EXOC1: variants seen among roughly 807,000 people sequenced by gnomAD.
EXOC1 encodes SEC3-like 1.
In EXOC1, 67 loss-of-function variants were observed where a neutral mutation model predicts 107.7. The observed-to-expected ratio is 0.62, with a 90% CI of 0.51 to 0.76. The LOEUF is 0.76. EXOC1 is among the 30% of genes least tolerant of loss of function. EXOC1 has a pLI of 0.00. For synonymous variants in EXOC1, 348 were observed against 353.5 expected, an observed-to-expected ratio of 0.98 and a Z score of 0.17; for missense variants, 833 against 1,055.7, an observed-to-expected ratio of 0.79 and a Z score of 2.92.
intron 14 of EXOC1, among the ~76,000 whole-genome samples, chr4:55,893,277 G>A (rs1318880310): frequency 3.3e-5 from 5 of 151,986 alleles, no homozygotes; most frequent in Non-Finnish European, 5.9e-5. Context: ...GCACCACCAC[G>A]TCTGGCTAAT....
chr4:55,867,734 T>C (rs1264788420), intron 4 of EXOC1, among the ~76,000 whole-genome samples: 5 of 152,174 alleles, frequency 3.3e-5, no homozygotes, highest in African/African-American at 1.2e-4. Flanking sequence ...TCTTTAGAAA[T>C]GTTATCAATG....
chr4:55,860,496 G>C lies in EXOC1; in HGVS notation c.210G>C (p.Trp70Cys). 5.6e-6 allele frequency: 9 copies of C among 1,613,956 alleles called. No individual in the cohort carries two copies. The highest frequency in any genetic ancestry group is 7.6e-6 in the Non-Finnish European group (9 of 1,179,918). ...ATTTCTACAAAAGGCAGATTGCATG[G>C]GCCCTTCGAGATCTTGCTGTGGTAG... is the stretch of plus-strand genomic sequence containing the variant. ...KGDFYKRQIA[W>C]ALRDLAVVDA... The change falls in exon 3 of 19, where the codon TGG becomes TGC. Residue 70 changes from tryptophan to cysteine, a missense_variant. Transcript: ENST00000381295.
chr4:55,879,191 A>G (rs1303620746), intron 9 of EXOC1, among the ~76,000 whole-genome samples: 1 of 152,244 alleles, frequency 6.6e-6, no homozygotes, highest in Non-Finnish European at 1.5e-5. Context: ...ACAGCATTGA[A>G]GGAAACAGGC....
intron 15 of EXOC1, among the ~76,000 whole-genome samples, 184 bp from the exon 16 acceptor site, chr4:55,896,533 G>A (rs568363541): frequency 6.6e-6 from 1 of 152,082 alleles, no homozygotes. Flanking sequence ...GTTTTTCTTA[G>A]TTATCCTTGT....
intron 9 of EXOC1, among the ~76,000 whole-genome samples, chr4:55,879,786 T>C (rs1269443261): frequency 6.6e-6 from 1 of 152,230 alleles, no homozygotes; most frequent in Non-Finnish European, 1.5e-5. Flanking sequence ...AGATCCATTT[T>C]ATTAAAATTC....
At chr4:55,893,930 A>G (rs1176257689) in intron 15 of EXOC1, 150 bp downstream of exon 15, 1 of 667,970 alleles carries the variant, frequency 1.5e-6, no homozygotes, top group Non-Finnish European at 2.5e-6. Context: ...ATCTACATGA[A>G]CAGAGTTAGT....
Position 55,870,792 on chromosome 4 carries a change from G to GA in EXOC1, c.721dup (p.Met241AsnfsTer14). 1 of 1,613,790 alleles carries GA rather than the reference G, an allele frequency of 6.2e-7. No homozygotes were observed. Among genetic ancestry groups the GA allele is most frequent in the Non-Finnish European group, 8.5e-7 (1 of 1,179,838 alleles). ...TGAATTGAAACTGAGCAGTTATGAGGAAATGCTCCAAAGTGTAAAAGAACA... is the reference window on the plus strand; with the variant it reads ...TGAATTGAAACTGAGCAGTTATGAGGAAAATGCTCCAAAGTGTAAAAGAACA... On this transcript the variant is annotated frameshift_variant, in exon 6 of 19. Coordinates refer to ENST00000381295, the MANE Select transcript of EXOC1 (RefSeq NM_001024924.2). LOFTEE classifies it high-confidence loss of function.
intron 3 of EXOC1, among the ~76,000 whole-genome samples, chr4:55,861,303 C>T (rs1463517235): frequency 6.6e-6 from 1 of 152,086 alleles, no homozygotes; most frequent in Admixed American, 6.5e-5. Flanking sequence ...ACTTGTATGT[C>T]GATGGGATGA....
chr4:55,876,217 T>C, intron 8 of EXOC1: 1 of 985,424 alleles, frequency 1.0e-6, no homozygotes. Flanking sequence ...AATTGTTCCA[T>C]TCTTCAACAC....
intron 3 of EXOC1, among the ~76,000 whole-genome samples, chr4:55,861,780 G>T (rs1024702463): frequency 7.9e-5 from 12 of 152,238 alleles, no homozygotes; most frequent in African/African-American, 2.9e-4. Flanking sequence ...TAGGCCAGGC[G>T]TGGTGGCTCA....
intron 8 of EXOC1, chr4:55,877,458 T>C: frequency 1.0e-6 from 1 of 985,274 alleles, no homozygotes; most frequent in Non-Finnish European, 1.2e-6. Flanking sequence ...AGACTTTATA[T>C]TCTACTTTTT....
chr4:55,903,667 T>C (rs1726274594), intron 18 of EXOC1, among the ~76,000 whole-genome samples: 1 of 152,164 alleles, frequency 6.6e-6, no homozygotes, highest in East Asian at 1.9e-4. Context: ...TACTATAATA[T>C]ATTCATAAAG....
chr4:55,888,812 C>G (rs868853817), intron 10 of EXOC1, 76 bp from the exon 11 acceptor site: 1 of 1,466,692 alleles, frequency 6.8e-7, no homozygotes. Flanking sequence ...TTAACTTCCT[C>G]TTGTGCATGG....
At chr4:55,862,698 G>A (rs1333370419) in intron 3 of EXOC1, among the ~76,000 whole-genome samples, 1 of 152,128 alleles carries the variant, frequency 6.6e-6, no homozygotes, top group Non-Finnish European at 1.5e-5. Flanking sequence ...GTCAAGTCCT[G>A]ATTCCTGAGA....
intron 16 of EXOC1, 89 bp downstream of exon 16, chr4:55,896,989 T>C: frequency 9.4e-7 from 1 of 1,062,188 alleles, no homozygotes; most frequent in Non-Finnish European, 1.3e-6. Flanking sequence ...GGTTCATTAT[T>C]TTGTATATCT....
chr4:55,857,736 C>A (rs143854797), intron 1 of EXOC1, among the ~76,000 whole-genome samples: 113 of 152,304 alleles, frequency 7.4e-4, no homozygotes, highest in African/African-American at 2.6e-3. Flanking sequence ...TTTTACAATC[C>A]CACCAGCAAT....
At chr4:55,890,196 A>G (rs1724356315) in intron 11 of EXOC1, 27 bp from the exon 12 acceptor site, 2 of 1,610,376 alleles carry the variant, frequency 1.2e-6, no homozygotes, top group South Asian at 1.1e-5. Flanking sequence ...TGAAGATCAC[A>G]ACTTTCAAAG....
intron 15 of EXOC1, among the ~76,000 whole-genome samples, chr4:55,894,580 G>GA (rs954447539): frequency 7.3e-6 from 1 of 137,838 alleles, no homozygotes; most frequent in Non-Finnish European, 1.6e-5. Flanking sequence ...CCTCCTAATA[G>GA]AAAAAAATTT....
intron 8 of EXOC1, chr4:55,872,796 T>G: frequency 1.0e-6 from 1 of 981,314 alleles, no homozygotes; most frequent in African/African-American, 1.7e-5. Context: ...GGTCCTACTT[T>G]CTTTCGGTTC....
Sources: allele counts gnomAD v4.1 joint callset (sites outside exome capture counted in the v4.1 genomes callset), GRCh38; gene constraint gnomAD v4.1.1; transcripts MANE v1.5; gene names NCBI Gene and HGNC (gene_info 2026-07-23, HGNC 2026-07-21).